Variants in NAA11 observed in about 807,000 individuals in gnomAD.
The protein encoded by NAA11 is N-alpha-acetyltransferase 11, NatA catalytic subunit.
Under a neutral mutation model 16.1 loss-of-function variants are expected in NAA11, and 15 were observed. That is an observed-to-expected ratio of 0.93 (90% CI 0.62 to 1.44). The LOEUF is 1.44. Among genes scored for constraint, NAA11 ranks in the 40% most tolerant of loss-of-function variants. NAA11 has a pLI of 0.00. For synonymous variants in NAA11, 122 were observed against 112.4 expected, an observed-to-expected ratio of 1.09 and a Z score of -0.54; for missense variants, 298 against 291.3, an observed-to-expected ratio of 1.02 and a Z score of -0.17.
the NAA11 span, among the ~76,000 whole-genome samples, chr4:79,158,581 C>T: frequency 2.4e-4 from 37 of 151,602 alleles, no homozygotes; most frequent in African/African-American, 8.7e-4. Context: ...AAAATACCAC[C>T]ATCATTCTTC....
At chr4:79,160,839 G>A in the NAA11 span, among the ~76,000 whole-genome samples, 1 of 151,842 alleles carries the variant, frequency 6.6e-6, no homozygotes, top group East Asian at 1.9e-4. Context: ...AAACATAAAA[G>A]TTTTTAATTT....
the NAA11 span, among the ~76,000 whole-genome samples, chr4:79,209,485 T>C: frequency 2.6e-4 from 39 of 152,238 alleles, no homozygotes; most frequent in African/African-American, 8.9e-4. Flanking sequence ...AAAAAGTTAA[T>C]ACATCCACTG....
downstream of NAA11, among the ~76,000 whole-genome samples, chr4:79,224,534 A>G (rs926510769): frequency 3.9e-5 from 6 of 152,096 alleles, no homozygotes; most frequent in African/African-American, 1.4e-4. Flanking sequence ...CAGACAAACA[A>G]TATAAACCTG....
chr4:79,264,434 G>A (rs191746130), intron 2 of NAA11, among the ~76,000 whole-genome samples: 70 of 152,224 alleles, frequency 4.6e-4, no homozygotes, highest in Non-Finnish European at 7.1e-4. Context: ...TTCTCCTTCA[G>A]TTCCTACTCT....
At chr4:79,303,012 T>C (rs1723436808) in intron 1 of NAA11, among the ~76,000 whole-genome samples, 1 of 148,670 alleles carries the variant, frequency 6.7e-6, no homozygotes, top group Admixed American at 6.7e-5. Flanking sequence ...AAGTAATATA[T>C]TTGCCATCTT....
the NAA11 span, among the ~76,000 whole-genome samples, chr4:79,198,459 A>G: frequency 3.1e-3 from 466 of 152,062 alleles, 5 homozygotes; most frequent in African/African-American, 0.01. Context: ...CATCATGACT[A>G]TCATTTGTAA....
intron 1 of NAA11, among the ~76,000 whole-genome samples, chr4:79,324,475 C>T (rs1344144835): frequency 6.6e-6 from 1 of 151,978 alleles, no homozygotes; most frequent in East Asian, 1.9e-4. Context: ...TGTGTGTGTG[C>T]CATTTATTTG....
At chr4:79,253,532 A>C (rs891881828) in intron 2 of NAA11, among the ~76,000 whole-genome samples, 2 of 152,156 alleles carry the variant, frequency 1.3e-5, no homozygotes, top group African/African-American at 4.8e-5. Context: ...CCAGTTGAAG[A>C]GAAGAGAAGT....
downstream of NAA11, among the ~76,000 whole-genome samples, chr4:79,313,220 T>C (rs72872315): frequency 0.094 from 14,312 of 152,138 alleles, 1,082 homozygotes; most frequent in African/African-American, 0.2. Flanking sequence ...AAAGTAAAAA[T>C]GTTTACAGTA....
At chr4:79,247,534 G>T (rs1345886903) in intron 2 of NAA11, among the ~76,000 whole-genome samples, 3 of 152,084 alleles carry the variant, frequency 2.0e-5, no homozygotes, top group Admixed American at 2.0e-4. Flanking sequence ...AATAAGAAGA[G>T]ACCTTAGGCT....
the NAA11 span, among the ~76,000 whole-genome samples, chr4:79,172,408 A>C: frequency 4.6e-4 from 70 of 152,230 alleles, no homozygotes; most frequent in African/African-American, 1.7e-3. Context: ...AAGGGAAAAA[A>C]CAGTTTATCT....
chr4:79,253,142 A>G (rs1243425155), intron 2 of NAA11, among the ~76,000 whole-genome samples: 5 of 152,312 alleles, frequency 3.3e-5, no homozygotes, highest in Admixed American at 2.0e-4. Flanking sequence ...AAATGTGACT[A>G]TAAGGTTTTC....
chr4:79,157,653 G>A, the NAA11 span, among the ~76,000 whole-genome samples: 1 of 151,120 alleles, frequency 6.6e-6, no homozygotes, highest in South Asian at 2.1e-4. Context: ...ACCAAAATTG[G>A]CATAAAAGGG....
At chr4:79,177,589 A>T in the NAA11 span, among the ~76,000 whole-genome samples, 1 of 152,166 alleles carries the variant, frequency 6.6e-6, no homozygotes, top group African/African-American at 2.4e-5. Flanking sequence ...TGTGAAAATG[A>T]GGTCAGTGTA....
At chr4:79,209,308 G>A in the NAA11 span, among the ~76,000 whole-genome samples, 1 of 152,176 alleles carries the variant, frequency 6.6e-6, no homozygotes, top group East Asian at 1.9e-4. Flanking sequence ...AGCATTTGAA[G>A]TGGGTGATAG....
the NAA11 span, among the ~76,000 whole-genome samples, chr4:79,168,379 T>C: frequency 1.3e-5 from 2 of 152,220 alleles, no homozygotes; most frequent in African/African-American, 4.8e-5. Flanking sequence ...CCTTTGGATA[T>C]ATACCTAGTA....
At chr4:79,307,483 C>T (rs568543270) in intron 1 of NAA11, among the ~76,000 whole-genome samples, 1 of 152,124 alleles carries the variant, frequency 6.6e-6, no homozygotes, top group East Asian at 1.9e-4. Context: ...CTTATATGTT[C>T]TTTACATACA....
the NAA11 span, among the ~76,000 whole-genome samples, chr4:79,173,909 G>T: frequency 1.1e-4 from 17 of 152,138 alleles, no homozygotes; most frequent in South Asian, 2.1e-4. Flanking sequence ...AAGTTTGGGG[G>T]TTTGGTAATG....
At chr4:79,256,326 G>T (rs949023082) in intron 2 of NAA11, among the ~76,000 whole-genome samples, 1 of 152,036 alleles carries the variant, frequency 6.6e-6, no homozygotes, top group Admixed American at 6.6e-5. Flanking sequence ...AGTGAATTGA[G>T]GGGTAGGAAA....
Sources: gnomAD v4.1 joint callset for allele counts (sites outside exome capture counted in the v4.1 genomes callset) on GRCh38, gnomAD v4.1.1 for gene constraint, MANE v1.5 for transcripts, NCBI Gene and HGNC (gene_info 2026-07-23, HGNC 2026-07-21) for gene names.